MYO18B: variants seen among roughly 807,000 people sequenced by gnomAD.
The protein encoded by MYO18B is myosin XVIIIB, also known as unconventional myosin-XVIIIb.
Under a neutral mutation model 273.0 loss-of-function variants are expected in MYO18B, and 204 were observed. The observed-to-expected ratio is 0.75, with a 90% CI of 0.67 to 0.84. MYO18B has a LOEUF of 0.84. MYO18B is among the 40% of genes least tolerant of loss of function. The pLI is 0.00. For synonymous variants in MYO18B, 1,330 were observed against 1,305.7 expected, an observed-to-expected ratio of 1.02 and a Z score of -0.40; for missense variants, 3,212 against 3,287.6, an observed-to-expected ratio of 0.98 and a Z score of 0.56.
At chr22:25,895,530 G>A in intron 28 of MYO18B, 1 of 354,676 alleles carries the variant, frequency 2.8e-6, no homozygotes. Flanking sequence ...TATTAACTCA[G>A]GATATCTGAG....
chr22:25,970,499 T>C (rs182087976), intron 39 of MYO18B, among the ~76,000 whole-genome samples: 1 of 152,270 alleles, frequency 6.6e-6, no homozygotes, highest in Admixed American at 6.5e-5. Context: ...CTTGGCTGCA[T>C]TCCAGGTAAA....
intron 33 of MYO18B, among the ~76,000 whole-genome samples, chr22:25,913,401 C>T (rs2092198578): frequency 6.6e-6 from 1 of 152,158 alleles, no homozygotes; most frequent in Non-Finnish European, 1.5e-5. Flanking sequence ...TCTCGCTCTG[C>T]CTCCCAGGCT....
At chr22:25,898,547 A>G (rs753318457) in intron 29 of MYO18B, 86 bp downstream of exon 29, 386 of 1,419,512 alleles carry the variant, frequency 2.7e-4, no homozygotes, top group Non-Finnish European at 3.6e-4. Flanking sequence ...GGTTCTCCTA[A>G]CTCCCTCACT....
chr22:26,042,042 G>A, the MYO18B span, among the ~76,000 whole-genome samples: 5 of 152,220 alleles, frequency 3.3e-5, no homozygotes, highest in Admixed American at 1.3e-4. Flanking sequence ...AGCCAGAGAA[G>A]GCGAGGCCTG....
At chr22:26,054,109 T>G in the MYO18B span, among the ~76,000 whole-genome samples, 1 of 152,146 alleles carries the variant, frequency 6.6e-6, no homozygotes, top group Non-Finnish European at 1.5e-5. Flanking sequence ...TGGATGCCTC[T>G]GGGGTTTCTA....
intron 1 of MYO18B, among the ~76,000 whole-genome samples, chr22:25,756,146 A>G (rs1051311111): frequency 1.5e-4 from 23 of 152,138 alleles, no homozygotes; most frequent in Admixed American, 1.4e-3. Context: ...CGCCTGCCTC[A>G]GCCTCCCAAA....
chr22:25,906,992 A>G (rs1423863853), intron 31 of MYO18B, among the ~76,000 whole-genome samples: 1 of 152,210 alleles, frequency 6.6e-6, no homozygotes, highest in Non-Finnish European at 1.5e-5. Context: ...CATATCACCC[A>G]TCTACGCTAT....
chr22:25,803,254 C>T (rs182983832), intron 12 of MYO18B, among the ~76,000 whole-genome samples: 17 of 152,258 alleles, frequency 1.1e-4, no homozygotes, highest in South Asian at 2.1e-4. Flanking sequence ...TGAGCCACCA[C>T]GCCTGGCTGT....
intron 33 of MYO18B, among the ~76,000 whole-genome samples, chr22:25,916,901 G>C (rs193008002): frequency 6.6e-6 from 1 of 152,018 alleles, no homozygotes. Flanking sequence ...GTGTTGTGGC[G>C]GGCACCTGTA....
chr22:25,950,243 C>A, intron 36 of MYO18B, 124 bp from the exon 37 acceptor site: 1 of 741,196 alleles, frequency 1.3e-6, no homozygotes, highest in Non-Finnish European at 2.2e-6. Context: ...CAGCTATTAT[C>A]ATAGAAGCTC....
At chr22:26,028,659 C>G (rs1373695514) in intron 43 of MYO18B, 3 of 152,124 alleles carry the variant, frequency 2.0e-5, no homozygotes, top group Non-Finnish European at 4.4e-5. Flanking sequence ...CTTTGGGAGG[C>G]CGAGGCGGGC....
intron 12 of MYO18B, among the ~76,000 whole-genome samples, chr22:25,800,226 T>C (rs1270395085): frequency 1.3e-5 from 2 of 152,056 alleles, no homozygotes; most frequent in Admixed American, 1.3e-4. Context: ...ACTACATATT[T>C]GGTACAGTGT....
chr22:25,888,960 T>A (rs921603130), intron 25 of MYO18B, among the ~76,000 whole-genome samples: 9 of 152,154 alleles, frequency 5.9e-5, no homozygotes, highest in African/African-American at 2.2e-4. Flanking sequence ...ATGTTTTGTT[T>A]TCTGATTACA....
intron 40 of MYO18B, among the ~76,000 whole-genome samples, chr22:25,999,568 C>T (rs1286137744): frequency 9.0e-6 from 1 of 111,276 alleles, no homozygotes; most frequent in Non-Finnish European, 1.8e-5. Context: ...TCCCCCTCCT[C>T]CTCTTCCCCC....
chr22:26,017,605 A>AT (rs1935464990), intron 42 of MYO18B, among the ~76,000 whole-genome samples: 1 of 152,136 alleles, frequency 6.6e-6, no homozygotes. Flanking sequence ...GTATCACTGT[A>AT]TTTTTATATT....
chr22:26,011,753 C>T (rs1934941195), intron 42 of MYO18B, among the ~76,000 whole-genome samples: 1 of 152,196 alleles, frequency 6.6e-6, no homozygotes, highest in South Asian at 2.1e-4. Flanking sequence ...TCTGCTGTTG[C>T]TATTGGACTT....
chr22:26,038,814 C>T, the MYO18B span, among the ~76,000 whole-genome samples: 111 of 152,278 alleles, frequency 7.3e-4, 1 homozygote, highest in South Asian at 0.013. Context: ...TCCCCTTAGT[C>T]TCTCTGCCCT....
Position 26,026,598 on chromosome 22 carries a change from C to T in MYO18B, c.6624C>T (p.Gly2208=), listed in dbSNP as rs762797172. The change falls in exon 43 of 44, where the codon GGC becomes GGT. Residue 2208 remains glycine (G), a synonymous_variant. Coordinates refer to ENST00000335473, the MANE Select transcript of MYO18B (RefSeq NM_032608.7). ...RRQKYCHFGD[G]EVLAVQRKST... ...AAAAGTACTGTCATTTTGGGGACGG[C>T]GAAGTGCTTGCCGTCCAGAGAAAGT... 1.8e-5 allele frequency: 29 copies of T among 1,613,700 alleles called. No homozygotes were observed. The highest frequency in any genetic ancestry group is 8.9e-5 in the East Asian group (4 of 44,870).
At position 25,768,392 on chromosome 22, in the gene MYO18B, A is replaced by C; in HGVS notation, c.476A>C (p.Lys159Thr). The change falls in exon 4 of 44, where the codon AAG becomes ACG. Residue 159 changes from lysine (K) to threonine (T), a missense_variant. Lys to Thr is a moderately conservative substitution (Grantham distance 78). Transcript: ENST00000335473. ...RRGDVLLMVA[K>T]LDPDSAKPEK... ...GGTGATGTGTTGTTGATGGTGGCCA[A>C]GCTGGACCCGGACTCAGCCAAGCCA... The C allele has an allele frequency of 1.2e-6, 2 of 1,613,918 alleles. No homozygotes were observed. The highest frequency in any genetic ancestry group is 1.3e-5 in the African/African-American group (1 of 75,044).
Sources: allele counts gnomAD v4.1 joint callset (sites outside exome capture counted in the v4.1 genomes callset), GRCh38; gene constraint gnomAD v4.1.1; transcripts MANE v1.5; gene names NCBI Gene and HGNC (gene_info 2026-07-23, HGNC 2026-07-21).